Variants in CCDC159 observed in about 807,000 individuals in gnomAD.
The protein encoded by CCDC159 is coiled-coil domain-containing protein 159.
In CCDC159, 40 loss-of-function variants were observed where a neutral mutation model predicts 50.9. The observed-to-expected ratio is 0.79, with a 90% CI of 0.61 to 1.02. CCDC159 has a LOEUF of 1.02. CCDC159 is among the 50% of genes least tolerant of loss of function. The probability of loss-of-function intolerance (pLI) is 0.00; values close to 1 mark genes in which losing one functional copy is unlikely to be tolerated. For missense variants in CCDC159, 356 were observed against 371.5 expected, an observed-to-expected ratio of 0.96 and a Z score of 0.34; for synonymous variants, 146 against 138.9, an observed-to-expected ratio of 1.05 and a Z score of -0.36.
intron 8 of CCDC159, 101 bp downstream of exon 8, chr19:11,353,673 A>G: frequency 1.3e-6 from 2 of 1,575,336 alleles, no homozygotes; most frequent in South Asian, 1.1e-5. Context: ...ACCTGAGTCC[A>G]GACTTCCCTC....
Position 11,353,536 on chromosome 19 carries a change from G to A in CCDC159, c.653G>A (p.Trp218Ter). 4 of 1,613,656 alleles carry A rather than the reference G, an allele frequency of 2.5e-6. No individual in the cohort carries two copies. Among genetic ancestry groups the A allele is most frequent in the Non-Finnish European group, 3.4e-6 (4 of 1,179,786 alleles). ...EEIPQGASGC[W>*]KDDLQKELSD... ...ATACCGCAGGGAGCCAGTGGCTGCT[G>A]GAAGGATGACCTCCAGAAGGAACTG... is the stretch of plus-strand genomic sequence containing the variant. Residue 218 changes from tryptophan (W) to a stop codon, truncating the protein, a stop_gained, in exon 8 of 11, where the codon TGG (tryptophan) becomes TAG (stop). Transcript: ENST00000458408. LOFTEE classifies it high-confidence loss of function.
chr19:11,352,244 C>T lies in CCDC159; in HGVS notation c.567+111C>T, dbSNP rs779702103. ...CTGGGTTCAAATCTCAGCTCTGCCA[C>T]TCACTGCTGTGTGACTGTGGGCAAG... is the stretch of plus-strand genomic sequence containing the variant. On this transcript the variant is annotated intron_variant, in intron 7 of 10. Coordinates refer to ENST00000458408, the MANE Select transcript of CCDC159 (RefSeq NM_001080503.3). 9.5e-6 allele frequency: 10 copies of T among 1,052,544 alleles called. No homozygotes were observed. The Admixed American group carries it at 1.6e-4, about 17-fold the overall frequency. 65.2% of individuals were successfully genotyped at this position (1,052,544 alleles called of 1,614,324 possible). A position where few individuals can be genotyped will look rare whatever the true frequency, so the allele number is the denominator to read the frequency against.
At chr19:11,353,698 A>G (rs1351152485) in intron 8 of CCDC159, 94 bp from the exon 9 acceptor site, 1 of 1,543,264 alleles carries the variant, frequency 6.5e-7, no homozygotes, top group East Asian at 2.4e-5. Flanking sequence ...CCTAGGACTC[A>G]CCCCACCACG....
At position 11,351,006 on chromosome 19, in the gene CCDC159, C is replaced by T. The variant is rs200080002; in HGVS notation, c.422+3C>T. The stretch of plus-strand genomic sequence containing the variant: ...CTGGCCCAGGAGATCCGGGACAGGT[C>T]GGGGATGGCGGGAGGGCAGCTTGGA... On this transcript the variant is annotated splice_donor_region_variant and intron_variant, in intron 5 of 10. Transcript: ENST00000458408. 25 of 1,520,134 alleles carry T rather than the reference C, an allele frequency of 1.6e-5. No individual in the cohort carries two copies. The highest frequency in any genetic ancestry group is 1.1e-4 in the African/African-American group (8 of 70,798). 94.2% of individuals were successfully genotyped at this position (1,520,134 alleles called of 1,614,324 possible).
intron 1 of CCDC159, chr19:11,348,822 C>T (rs1206094951): frequency 3.5e-6 from 2 of 563,590 alleles, no homozygotes; most frequent in Non-Finnish European, 6.7e-6. Flanking sequence ...CTCCCTCACC[C>T]TCCAGCATGT....
chr19:11,350,281 A>C (rs936436645), intron 4 of CCDC159, 82 bp downstream of exon 4: 8 of 1,247,374 alleles, frequency 6.4e-6, no homozygotes, highest in Middle Eastern at 1.8e-4. Context: ...GGGGAGGCCA[A>C]AGAGGTTGGA....
Position 11,350,165 on chromosome 19 carries a change from C to T in CCDC159, c.192C>T (p.Ser64=), listed in dbSNP as rs755344921. Residue 64 remains serine, a synonymous_variant, in exon 4 of 11, where the codon AGC becomes AGT. Transcript: ENST00000458408. Reference sequence around the variant, plus strand: ...CAGTGACCATGTTGGAGAAGGAGAGCTGCTTGCAGCAAATCAAGATTCAGC... The same window carrying T: ...CAGTGACCATGTTGGAGAAGGAGAGTTGCTTGCAGCAAATCAAGATTCAGC... ...NHSVTMLEKE[S]CLQQIKIQQL... is the part of the protein sequence containing the mutation. 1.2e-5 allele frequency: 19 copies of T among 1,613,106 alleles called. No individual in the cohort carries two copies. The highest frequency in any genetic ancestry group is 6.7e-5 in the Admixed American group (4 of 59,868).
In CCDC159 at chr19:11,346,626, T is replaced by C; in HGVS notation, c.20T>C (p.Val7Ala). 1 of 1,551,042 alleles carries C rather than the reference T, an allele frequency of 6.4e-7. No homozygotes were observed. Among genetic ancestry groups the C allele is most frequent in the South Asian group, 1.2e-5 (1 of 84,002 alleles). MGEHEQ[V>A]KPLETSSSKV... ...TCCCTGATGGGAGAGCATGAACAGG[T>C]GGTATGTGGTAGGTGGGGTTCTGGA... Residue 7 changes from valine to alanine, a missense_variant and splice_region_variant, in exon 1 of 11, where the codon GTG becomes GCG. Transcript: ENST00000458408.
Position 11,354,716 on chromosome 19 carries a change from C to T in CCDC159, c.889+20C>T, listed in dbSNP as rs375009614. The T allele has an allele frequency of 6.2e-7, 1 of 1,605,542 alleles. No homozygotes were observed. Among genetic ancestry groups the T allele is most frequent in the Non-Finnish European group, 8.5e-7 (1 of 1,175,700 alleles). ...CACCCGGTGCAGATCCTCCCCAGTC[C>T]CCCCCTCCACCCATTTCCCTCCTGA... On this transcript the variant is annotated intron_variant, in intron 10 of 10. Coordinates refer to ENST00000458408, the MANE Select transcript of CCDC159 (RefSeq NM_001080503.3).
chr19:11,353,405 G>T, intron 7 of CCDC159, 46 bp from the exon 8 acceptor site: 1 of 1,530,796 alleles, frequency 6.5e-7, no homozygotes, highest in Non-Finnish European at 8.8e-7. Flanking sequence ...TGGCACTATT[G>T]TCATTATTAT....
At position 11,354,682 on chromosome 19, in the gene CCDC159, G is replaced by T; in HGVS notation, c.875G>T (p.Arg292Leu). ...CAGCCACCTTTCAGCAAGAGCGGCC[G>T]CTCCTTCCCACCCGGTGCAGATCCT... ...LSQPPFSKSG[R>L]SFPPA Residue 292 changes from arginine to leucine, a missense_variant, in exon 10 of 11, where the codon CGC becomes CTC. Physicochemically the swap from Arg to Leu is moderately radical, Grantham distance 102 (BLOSUM62 -2). Coordinates refer to ENST00000458408, the MANE Select transcript of CCDC159 (RefSeq NM_001080503.3). The T allele has an allele frequency of 6.2e-7, 1 of 1,607,150 alleles. No homozygotes were observed. The highest frequency in any genetic ancestry group is 8.5e-7 in the Non-Finnish European group (1 of 1,176,806).
At position 11,352,977 on chromosome 19, in the gene CCDC159, A is replaced by C. The variant is rs75209929; in HGVS notation, c.568-474A>C. On this transcript the variant is annotated intron_variant, in intron 7 of 10. Transcript: ENST00000458408. The stretch of plus-strand genomic sequence containing the variant: ...AACAAAAACAAAAAACAAAACAAAA[A>C]AAAACACTCCTCCCTACCTGATCAG... Among the ~76,000 whole-genome samples, 931 of 152,234 alleles carry C rather than the reference A, an allele frequency of 6.1e-3. 11 individuals are homozygous for C. Among genetic ancestry groups the C allele is most frequent in the African/African-American group, 0.022 (894 of 41,540 alleles).
intron 8 of CCDC159, 31 bp from the exon 9 acceptor site, chr19:11,353,761 C>A (rs1212518957): frequency 6.4e-7 from 1 of 1,569,546 alleles, no homozygotes. Flanking sequence ...GTGGAGTCTC[C>A]CAGCGCCCCC....
In CCDC159 at chr19:11,350,956, C is replaced by G; in HGVS notation, c.375C>G (p.Ala125=). 2 of 1,554,220 alleles carry G rather than the reference C, an allele frequency of 1.3e-6. No homozygotes were observed. Among genetic ancestry groups the G allele is most frequent in the Non-Finnish European group, 1.7e-6 (2 of 1,149,114 alleles). ...GTGACAGTGAGGAGATGCAGCGGGC[C>G]CGCACCACTCGCTGCCTGCAGCTGC... is the stretch of plus-strand genomic sequence containing the variant. The part of the protein sequence containing the change: ...TLRDSEEMQR[A]RTTRCLQLLA... The change falls in exon 5 of 11, where the codon GCC becomes GCG. Residue 125 remains alanine, a synonymous_variant. Transcript: ENST00000458408.
At chr19:11,349,290 C>T in intron 1 of CCDC159, 1 of 745,318 alleles carries the variant, frequency 1.3e-6, no homozygotes, top group Non-Finnish European at 1.9e-6. Flanking sequence ...GAGAGACTCC[C>T]ATGAATGCAC....
At chr19:11,349,257 C>A in intron 1 of CCDC159, 1 of 1,070,914 alleles carries the variant, frequency 9.3e-7, no homozygotes, top group Non-Finnish European at 1.2e-6. Flanking sequence ...TGCTGTGGGG[C>A]TTAGGGAAGG....
Position 11,350,830 on chromosome 19 carries a change from C to T in CCDC159, c.249C>T (p.Arg83=), listed in dbSNP as rs546172691. The part of the protein sequence containing the change: ...QLEEVLSPTG[R]QGEKEEHKWG... Reference sequence around the variant, plus strand: ...CAGAGGTGCTGAGCCCCACAGGCCGCCAGGGAGAGAAGGAGGAGCACAAGT... The same window carrying T: ...CAGAGGTGCTGAGCCCCACAGGCCGTCAGGGAGAGAAGGAGGAGCACAAGT... Residue 83 remains arginine (R), a synonymous_variant, in exon 5 of 11, where the codon CGC becomes CGT. Transcript: ENST00000458408. 4 of 1,549,920 alleles carry T rather than the reference C, an allele frequency of 2.6e-6. No individual in the cohort carries two copies. In the South Asian group the frequency reaches 4.8e-5, roughly 18 times the overall value.
chr19:11,351,656 A>C, intron 5 of CCDC159: 2 of 354,132 alleles, frequency 5.6e-6, no homozygotes, highest in Admixed American at 5.0e-5. Context: ...GTCGGGGGAC[A>C]GGAGGTGGGG....
At chr19:11,347,158 G>A (rs919297137) in intron 1 of CCDC159, among the ~76,000 whole-genome samples, 5 of 152,062 alleles carry the variant, frequency 3.3e-5, no homozygotes, top group African/African-American at 4.8e-5. Flanking sequence ...AGTGACTCTC[G>A]GAGGGGCAGC....
Sources: gnomAD v4.1 joint callset for allele counts (sites outside exome capture counted in the v4.1 genomes callset) on GRCh38, gnomAD v4.1.1 for gene constraint, MANE v1.5 for transcripts, NCBI Gene and HGNC (gene_info 2026-07-23, HGNC 2026-07-21) for gene names.